ZNF536: variants seen among roughly 807,000 people sequenced by gnomAD.
ZNF536 encodes zinc finger protein 536.
Under a neutral mutation model 84.5 loss-of-function variants are expected in ZNF536, and 13 were observed. The ratio of observed to expected loss-of-function variants is 0.15; its 90% CI spans 0.10 to 0.24. The LOEUF (loss-of-function observed/expected upper bound fraction) is 0.24. Among genes scored for constraint, ZNF536 ranks in the 10% least tolerant of loss-of-function variants. The pLI is 1.00. For missense variants in ZNF536, 1,536 were observed against 1,747.5 expected (o/e 0.88, Z 2.16); for synonymous variants, 811 against 742.5 (o/e 1.09, Z -1.50).
At chr19:30,226,414 T>TA (rs2022617109), upstream of ZNF536, among the ~76,000 whole-genome samples, 1 of 151,710 alleles carries the variant, frequency 6.6e-6, no homozygotes, top group African/African-American at 2.4e-5. The surrounding 1 kb of genome is among the most constrained non-coding windows in gnomAD (Gnocchi z 4.6). Flanking sequence ...TTTTTTCAAT[T>TA]AAAGTTAGCT....
intron 1 of ZNF536, among the ~76,000 whole-genome samples, chr19:30,423,805 G>C (rs549573093): frequency 3.3e-5 from 5 of 152,160 alleles, no homozygotes; most frequent in South Asian, 2.1e-4. Context: ...GCGGGGAACG[G>C]GGGCCTGGGA....
chr19:30,564,943 AACAGCCACT>A (rs1431717012), intron 1 of ZNF536, among the ~76,000 whole-genome samples: 1 of 151,996 alleles, frequency 6.6e-6, no homozygotes, highest in African/African-American at 2.4e-5. Flanking sequence ...AGGGGTGGAG[AACAGCCACT>A]GTGGCTGCAG....
chr19:30,331,912 G>A (rs1197120753), intron 2 of ZNF536, among the ~76,000 whole-genome samples: 1 of 152,050 alleles, frequency 6.6e-6, no homozygotes, highest in Non-Finnish European at 1.5e-5. Flanking sequence ...TCACTTCCTT[G>A]CACCCATTAT....
intron 2 of ZNF536, among the ~76,000 whole-genome samples, chr19:30,313,196 G>A (rs1386249977): frequency 6.6e-6 from 1 of 152,234 alleles, no homozygotes; most frequent in Non-Finnish European, 1.5e-5. Context: ...CTTGGACAGA[G>A]CCTGGGCTGC....
chr19:30,258,634 T>C (rs2025033268), intron 1 of ZNF536, among the ~76,000 whole-genome samples: 1 of 152,190 alleles, frequency 6.6e-6, no homozygotes, highest in African/African-American at 2.4e-5. Context: ...TGTGTATGTT[T>C]GTGTGATTAG....
chr19:30,383,400 C>T (rs950000421), intron 1 of ZNF536, among the ~76,000 whole-genome samples: 3 of 152,174 alleles, frequency 2.0e-5, no homozygotes, highest in South Asian at 2.1e-4. Flanking sequence ...CTGGGGTCTG[C>T]CCAGTTCAGA....
chr19:30,688,058 C>T (rs1054632742), intron 1 of ZNF536, among the ~76,000 whole-genome samples: 13 of 150,770 alleles, frequency 8.6e-5, no homozygotes, highest in Non-Finnish European at 1.6e-4. Context: ...ACAAACCAAG[C>T]CTGAGTTTCA....
intron 1 of ZNF536, among the ~76,000 whole-genome samples, chr19:30,596,448 C>T (rs190239568): frequency 1.2e-4 from 19 of 152,318 alleles, no homozygotes; most frequent in Admixed American, 7.8e-4. Flanking sequence ...CAGTGACAAT[C>T]GCGGCACAGC....
At chr19:30,670,778 G>A (rs1220549752) in intron 1 of ZNF536, among the ~76,000 whole-genome samples, 1 of 152,218 alleles carries the variant, frequency 6.6e-6, no homozygotes, top group African/African-American at 2.4e-5. Flanking sequence ...GAAGGCAGGA[G>A]CCATTCCCGG....
At chr19:30,335,466 G>A (rs1348879858) in intron 2 of ZNF536, among the ~76,000 whole-genome samples, 1 of 152,122 alleles carries the variant, frequency 6.6e-6, no homozygotes, top group Non-Finnish European at 1.5e-5. Context: ...TGTTTTGGGA[G>A]GCCTGGCACG....
At chr19:30,392,248 AC>A (rs1472886142) in intron 1 of ZNF536, among the ~76,000 whole-genome samples, 6 of 152,176 alleles carry the variant, frequency 3.9e-5, no homozygotes, top group Non-Finnish European at 8.8e-5. Flanking sequence ...TTTGCAGGAA[AC>A]CAGTAGGAAA....
intron 4 of ZNF536, among the ~76,000 whole-genome samples, chr19:30,553,047 G>A (rs1472160625): frequency 2.0e-5 from 3 of 152,074 alleles, no homozygotes; most frequent in Non-Finnish European, 4.4e-5. Context: ...TCCAGGCATG[G>A]GTCACATGTC....
chr19:30,421,382 A>AT (rs999447211), intron 1 of ZNF536, among the ~76,000 whole-genome samples: 2 of 151,702 alleles, frequency 1.3e-5, no homozygotes, highest in African/African-American at 2.4e-5. Flanking sequence ...GGGCGACTTC[A>AT]TTTTTTTTAA....
intron 1 of ZNF536, among the ~76,000 whole-genome samples, chr19:30,382,083 A>C (rs1460099917): frequency 1.3e-5 from 2 of 152,092 alleles, no homozygotes; most frequent in Non-Finnish European, 2.9e-5. Context: ...TTTGGCTCCC[A>C]TTTTGGCTGA....
At chr19:30,371,059 T>C (rs958587286), upstream of ZNF536, among the ~76,000 whole-genome samples, 14 of 152,236 alleles carry the variant, frequency 9.2e-5, no homozygotes, top group Admixed American at 7.8e-4. Flanking sequence ...AGGATAGTTA[T>C]GCATTTGCTT....
chr19:30,369,522 T>C (rs1187870098), upstream of ZNF536, among the ~76,000 whole-genome samples: 2 of 118,592 alleles, frequency 1.7e-5, no homozygotes, highest in Non-Finnish European at 3.5e-5. Context: ...TAGATGTTGC[T>C]GTCACTGTCC....
intron 1 of ZNF536, among the ~76,000 whole-genome samples, chr19:30,248,601 G>A (rs938055466): frequency 6.6e-6 from 1 of 152,036 alleles, no homozygotes; most frequent in Non-Finnish European, 1.5e-5. Context: ...AGGTATAGCT[G>A]CAGTGAGCAT....
At chr19:30,591,613 T>G (rs1230762669) in intron 1 of ZNF536, among the ~76,000 whole-genome samples, 1 of 152,158 alleles carries the variant, frequency 6.6e-6, no homozygotes, top group Non-Finnish European at 1.5e-5. Context: ...GAGATTTGGG[T>G]GGGGACACAG....
rs1187610500 is a variant in ZNF536 at position 30,289,368 on chromosome 19, C to T, written c.-120+5227C>T. ...TACCATCGTAACCACTGCTAGTCAG[C>T]GACAACATATAATTAAACTCACCCT... On this transcript the variant is annotated intron_variant, in intron 2 of 5. Transcript: ENST00000585628. Among the ~76,000 whole-genome samples, 3 of 152,196 alleles carry T rather than the reference C, an allele frequency of 2.0e-5. No homozygotes were observed. The East Asian group carries it at 5.8e-4, about 29-fold the overall frequency.
Sources: allele counts gnomAD v4.1 joint callset (sites outside exome capture counted in the v4.1 genomes callset), GRCh38; gene constraint gnomAD v4.1.1; non-coding constraint Gnocchi (gnomAD v3.1); transcripts MANE v1.5; gene names NCBI Gene and HGNC (gene_info 2026-07-23, HGNC 2026-07-21).